The following PKNOX2 variants were observed in gnomAD, a reference collection of about 807,000 sequenced individuals.
PKNOX2 encodes PBX/knotted 1 homeobox 2, also known as homeobox protein PKNOX2.
Under a neutral mutation model 53.1 loss-of-function variants are expected in PKNOX2, and 14 were observed. The observed-to-expected ratio is 0.26, with a 90% confidence interval of 0.17 to 0.41. The LOEUF is 0.41. Among genes scored for constraint, PKNOX2 ranks in the 10% least tolerant of loss-of-function variants. The pLI is 1.00. For missense variants in PKNOX2, 496 were observed against 602.8 expected, an observed-to-expected ratio of 0.82 and a Z score of 1.85; for synonymous variants, 257 against 242.8, an observed-to-expected ratio of 1.06 and a Z score of -0.54.
At chr11:125,392,200 T>A (rs1954090415) in intron 6 of PKNOX2, among the ~76,000 whole-genome samples, 1 of 152,260 alleles carries the variant, frequency 6.6e-6, no homozygotes. Context: ...CATTATCTCC[T>A]TTAGCCCCTT....
intron 4 of PKNOX2, among the ~76,000 whole-genome samples, chr11:125,362,604 C>T (rs888580349): frequency 1.3e-5 from 2 of 152,196 alleles, no homozygotes; most frequent in African/African-American, 4.8e-5. Context: ...CTCCTGGCTT[C>T]AAGCAATCCT....
Position 125,398,009 on chromosome 11 carries a change from G to A in PKNOX2, c.535G>A (p.Asp179Asn). ...KMHSDNLLRN[D>N]LGGPYSPNQP... ...GCACAGCGACAACCTGCTCAGGAAT[G>A]ATCTAGGGGGGCCCTACTCCCCCAA... The change falls in exon 7 of 13, where the codon GAT (aspartate) becomes AAT (asparagine). Residue 179 changes from aspartate (D) to asparagine (N), a missense_variant. By Grantham distance (23) the Asp-to-Asn change is conservative. This residue lies in a region of PKNOX2 where 141 missense variants were observed against 143.9 expected (regional missense o/e 0.98). Transcript: ENST00000298282. 1 of 1,614,006 alleles carries A rather than the reference G, an allele frequency of 6.2e-7. No individual in the cohort carries two copies. The highest frequency in any genetic ancestry group is 8.5e-7 in the Non-Finnish European group (1 of 1,179,924).
At chr11:125,278,565 G>A (rs1946336203) in intron 2 of PKNOX2, among the ~76,000 whole-genome samples, 1 of 152,236 alleles carries the variant, frequency 6.6e-6, no homozygotes, top group South Asian at 2.1e-4. Context: ...CTGGGACTGA[G>A]GGCCTCGGGA....
intron 2 of PKNOX2, among the ~76,000 whole-genome samples, chr11:125,267,898 G>A (rs367662907): frequency 1.3e-5 from 2 of 152,218 alleles, no homozygotes; most frequent in African/African-American, 4.8e-5. Flanking sequence ...CATCAACACT[G>A]TTTAGGAAGG....
chr11:125,351,514 G>A (rs3740891), intron 4 of PKNOX2, 122 bp downstream of exon 4: 39,348 of 657,854 alleles, frequency 0.06, 2,727 homozygotes, highest in African/African-American at 0.27. Context: ...CCGCAATCAC[G>A]TCCTGGTGGC....
intron 4 of PKNOX2, 110 bp from the exon 5 acceptor site, chr11:125,367,736 T>C: frequency 8.2e-7 from 1 of 1,216,606 alleles, no homozygotes; most frequent in Non-Finnish European, 1.1e-6. Context: ...TCTCTTGGCC[T>C]CTTGCTCTCC....
intron 2 of PKNOX2, among the ~76,000 whole-genome samples, chr11:125,283,121 C>T (rs1946675139): frequency 6.6e-6 from 1 of 152,000 alleles, no homozygotes; most frequent in African/African-American, 2.4e-5. Flanking sequence ...CACTGTACTC[C>T]AGCCTGGGCA....
intron 4 of PKNOX2, among the ~76,000 whole-genome samples, chr11:125,364,410 T>C (rs1952078112): frequency 6.6e-6 from 1 of 152,146 alleles, no homozygotes; most frequent in South Asian, 2.1e-4. Context: ...CAAGTGACCA[T>C]TTTTGATTTA....
At position 125,361,718 on chromosome 11, in the gene PKNOX2, T is replaced by C. The variant is rs370822667; in HGVS notation, c.88-6128T>C. Among the ~76,000 whole-genome samples the C allele has an allele frequency of 5.9e-5, 9 of 152,344 alleles. No homozygotes were observed. In the South Asian group the frequency reaches 1.0e-3, roughly 18 times the overall value. ...TAATGCTATCCCACCCCATCTTTTA[T>C]GGGTGCTGGAAAGACCTTGGTATCA... On this transcript the variant is annotated intron_variant, in intron 4 of 12. Coordinates refer to ENST00000298282, the MANE Select transcript of PKNOX2 (RefSeq NM_001382323.2).
chr11:125,345,897 T>G (rs1950943849), intron 3 of PKNOX2, among the ~76,000 whole-genome samples: 1 of 152,168 alleles, frequency 6.6e-6, no homozygotes, highest in Non-Finnish European at 1.5e-5. Flanking sequence ...GGTTATATTA[T>G]ATAATGCAAT....
intron 1 of PKNOX2, among the ~76,000 whole-genome samples, chr11:125,189,648 A>T (rs1956749394): frequency 6.6e-6 from 1 of 151,294 alleles, no homozygotes; most frequent in Non-Finnish European, 1.5e-5. Context: ...TGAAATAAAC[A>T]TCTGCTTGGC....
At chr11:125,430,519 C>T (rs925179553) in intron 12 of PKNOX2, among the ~76,000 whole-genome samples, 1 of 152,178 alleles carries the variant, frequency 6.6e-6, no homozygotes, top group African/African-American at 2.4e-5. Context: ...CCAGGAAGAG[C>T]TCTGTTTTCC....
chr11:125,344,165 G>A (rs182558835), intron 3 of PKNOX2, among the ~76,000 whole-genome samples: 1 of 152,180 alleles, frequency 6.6e-6, no homozygotes, highest in Non-Finnish European at 1.5e-5. Context: ...TCCAGGGTGG[G>A]TCTCTAATGT....
At chr11:125,359,302 G>A (rs1449780440) in intron 4 of PKNOX2, among the ~76,000 whole-genome samples, 12 of 152,132 alleles carry the variant, frequency 7.9e-5, no homozygotes, top group Non-Finnish European at 1.5e-5. Context: ...TTAGCGAAGG[G>A]TCCCTCTGCC....
intron 1 of PKNOX2, among the ~76,000 whole-genome samples, chr11:125,203,814 G>A (rs547778678): frequency 6.6e-6 from 1 of 152,244 alleles, no homozygotes; most frequent in Non-Finnish European, 1.5e-5. Flanking sequence ...GTGTGTCCAT[G>A]TGTGCCCATG....
intron 1 of PKNOX2, among the ~76,000 whole-genome samples, chr11:125,176,285 C>G (rs531838017): frequency 6.6e-6 from 1 of 152,200 alleles, no homozygotes; most frequent in African/African-American, 2.4e-5. Context: ...TGAAGCAGGC[C>G]TTGACTCCCT....
At chr11:125,263,458 G>A (rs1228545326) in intron 2 of PKNOX2, among the ~76,000 whole-genome samples, 7 of 152,254 alleles carry the variant, frequency 4.6e-5, no homozygotes, top group Admixed American at 3.3e-4. Flanking sequence ...CTGCAGTCCA[G>A]CTGCTGGCAT....
At position 125,165,169 on chromosome 11, in the gene PKNOX2, C is replaced by T. The variant is rs1954764226; in HGVS notation, c.-201+393C>T. On this transcript the variant is annotated intron_variant, in intron 1 of 12. Coordinates refer to ENST00000298282, the MANE Select transcript of PKNOX2 (RefSeq NM_001382323.2). This position sits in a 1 kb window ranked among gnomAD's most constrained non-coding sequence, Gnocchi z 4.5. ...GCCCCGCCGCCGCCGCCGCCGCCGC[C>T]TCGCCGCGCTTGGGCCCGTGGCCGG... Among the ~76,000 whole-genome samples the T allele has an allele frequency of 6.7e-6, 1 of 149,654 alleles. No individual in the cohort carries two copies. Among genetic ancestry groups the T allele is most frequent in the Non-Finnish European group, 1.5e-5 (1 of 67,256 alleles).
intron 2 of PKNOX2, among the ~76,000 whole-genome samples, chr11:125,319,402 T>C (rs1321862034): frequency 6.6e-6 from 1 of 152,206 alleles, no homozygotes; most frequent in African/African-American, 2.4e-5. Flanking sequence ...GTACCTGCTG[T>C]TGGAAAAATT....
Sources: gnomAD v4.1 joint callset for allele counts (sites outside exome capture counted in the v4.1 genomes callset) on GRCh38, gnomAD v4.1.1 for gene constraint, gnomAD v4.1.1 regional missense constraint, Gnocchi (gnomAD v3.1) non-coding constraint, MANE v1.5 for transcripts, NCBI Gene and HGNC (gene_info 2026-07-23, HGNC 2026-07-21) for gene names.